KCND3: variants seen among roughly 807,000 people sequenced by gnomAD.
KCND3 encodes the protein A-type voltage-gated potassium channel KCND3.
A neutral mutation model predicts 51.1 loss-of-function variants in KCND3; 9 were observed. That is an observed-to-expected ratio of 0.18 (90% confidence interval 0.11 to 0.31). The LOEUF is 0.31. KCND3 is among the 10% of genes least tolerant of loss of function. KCND3 has a pLI of 1.00. For synonymous variants in KCND3, 349 were observed against 368.0 expected, an observed-to-expected ratio of 0.95 and a Z score of 0.59; for missense variants, 526 against 903.8, an observed-to-expected ratio of 0.58 and a Z score of 5.36.
intron 2 of KCND3, among the ~76,000 whole-genome samples, chr1:111,796,315 A>G (rs1263699805): frequency 2.0e-5 from 3 of 152,184 alleles, no homozygotes; most frequent in East Asian, 3.9e-4. Context: ...TCATAAAGAC[A>G]CATGCATGTG....
chr1:111,783,253 A>G (rs971802480), intron 3 of KCND3, among the ~76,000 whole-genome samples: 1 of 151,972 alleles, frequency 6.6e-6, no homozygotes, highest in African/African-American at 2.4e-5. Context: ...TATCCAGGGA[A>G]AGGCAGTGGA....
chr1:111,920,985 G>A (rs1671450155), intron 2 of KCND3, among the ~76,000 whole-genome samples: 1 of 152,158 alleles, frequency 6.6e-6, no homozygotes, highest in Non-Finnish European at 1.5e-5. Flanking sequence ...CAATGTGCCA[G>A]GCTTTGTGGT....
At chr1:111,900,191 C>T (rs773708452) in intron 2 of KCND3, among the ~76,000 whole-genome samples, 2 of 152,120 alleles carry the variant, frequency 1.3e-5, no homozygotes, top group Non-Finnish European at 2.9e-5. Context: ...AGACCCCTGC[C>T]CGGAGGGAGA....
At chr1:111,955,405 C>A (rs942892925) in intron 2 of KCND3, among the ~76,000 whole-genome samples, 3 of 152,156 alleles carry the variant, frequency 2.0e-5, no homozygotes, top group Non-Finnish European at 4.4e-5. Context: ...CGGAGCAAGA[C>A]CCTGTCTCAA....
chr1:111,881,864 C>T (rs961047805), intron 2 of KCND3, among the ~76,000 whole-genome samples: 12 of 152,182 alleles, frequency 7.9e-5, no homozygotes, highest in African/African-American at 2.7e-4. Flanking sequence ...TTATCCATTC[C>T]CATATGTCCT....
chr1:111,824,882 A>C (rs1666507080), intron 2 of KCND3, among the ~76,000 whole-genome samples: 1 of 151,992 alleles, frequency 6.6e-6, no homozygotes, highest in Non-Finnish European at 1.5e-5. Context: ...GGTTGAGGAG[A>C]TGGATTTGAG....
intron 2 of KCND3, among the ~76,000 whole-genome samples, chr1:111,893,644 G>A (rs1336161439): frequency 6.6e-6 from 1 of 152,186 alleles, no homozygotes; most frequent in Non-Finnish European, 1.5e-5. Flanking sequence ...GGTGCTCCCT[G>A]GGGGCCAGCC....
At chr1:111,976,292 C>T (rs948660209) in intron 2 of KCND3, among the ~76,000 whole-genome samples, 1 of 152,202 alleles carries the variant, frequency 6.6e-6, no homozygotes, top group African/African-American at 2.4e-5. Context: ...GAGTTGGAGG[C>T]AAACTTCCCT....
chr1:111,807,619 T>G (rs1250298494), intron 2 of KCND3, among the ~76,000 whole-genome samples: 1 of 152,246 alleles, frequency 6.6e-6, no homozygotes. Context: ...GACGTTGCAG[T>G]GAGCCTAGAC....
At chr1:111,931,737 A>G (rs1000109842) in intron 2 of KCND3, among the ~76,000 whole-genome samples, 1 of 152,184 alleles carries the variant, frequency 6.6e-6, no homozygotes, top group Non-Finnish European at 1.5e-5. Context: ...TAGCATGATT[A>G]TCATTATTTT....
chr1:111,818,040 GCACACACACACACACACACA>G (rs59035556), intron 2 of KCND3, among the ~76,000 whole-genome samples: 1 of 147,962 alleles, frequency 6.8e-6, no homozygotes, highest in Non-Finnish European at 1.5e-5. Context: ...ACACGCGCGT[GCACACACACACACACACACA>G]CACACACACA....
chr1:111,893,375 A>C (rs1669941159), intron 2 of KCND3, among the ~76,000 whole-genome samples: 1 of 152,022 alleles, frequency 6.6e-6, no homozygotes, highest in Admixed American at 6.5e-5. Flanking sequence ...GGGCAGGGAG[A>C]AGGCCCTCAG....
At chr1:111,798,233 A>G (rs1201438493) in intron 2 of KCND3, among the ~76,000 whole-genome samples, 2 of 151,966 alleles carry the variant, frequency 1.3e-5, no homozygotes, top group Non-Finnish European at 1.5e-5. Flanking sequence ...TCCCATATGC[A>G]CTGGGCTCCT....
chr1:111,860,035 A>G (rs1668262866), intron 2 of KCND3, among the ~76,000 whole-genome samples: 1 of 152,254 alleles, frequency 6.6e-6, no homozygotes, highest in Non-Finnish European at 1.5e-5. Flanking sequence ...TCCTGAGGTC[A>G]TAACTTCATT....
chr1:111,802,308 A>G (rs553622301), intron 2 of KCND3, among the ~76,000 whole-genome samples: 1 of 152,276 alleles, frequency 6.6e-6, no homozygotes, highest in African/African-American at 2.4e-5. Context: ...AAGCTCTGAA[A>G]GCACCGCCTG....
intron 2 of KCND3, among the ~76,000 whole-genome samples, chr1:111,979,444 C>T (rs1446552686): frequency 6.6e-6 from 1 of 152,176 alleles, no homozygotes; most frequent in Non-Finnish European, 1.5e-5. Context: ...GCATATAGTA[C>T]TCATTGGGCT....
At chr1:111,835,704 A>G (rs1350381702) in intron 2 of KCND3, among the ~76,000 whole-genome samples, 1 of 152,240 alleles carries the variant, frequency 6.6e-6, no homozygotes, top group African/African-American at 2.4e-5. Flanking sequence ...GAAGGGTAGG[A>G]ACCCTTAGTT....
At chr1:111,868,238 G>A (rs1571767694) in intron 2 of KCND3, among the ~76,000 whole-genome samples, 1 of 152,308 alleles carries the variant, frequency 6.6e-6, no homozygotes, top group South Asian at 2.1e-4. Context: ...TGCTCATGCT[G>A]TCTGGCTCCA....
At chr1:111,827,859 G>A (rs1236331232) in intron 2 of KCND3, among the ~76,000 whole-genome samples, 1 of 152,168 alleles carries the variant, frequency 6.6e-6, no homozygotes, top group African/African-American at 2.4e-5. Context: ...AAGAAGAAAT[G>A]GGGCTCCAAG....
Sources: allele counts gnomAD v4.1 joint callset (sites outside exome capture counted in the v4.1 genomes callset), GRCh38; gene constraint gnomAD v4.1.1; transcripts MANE v1.5; gene names NCBI Gene and HGNC (gene_info 2026-07-23, HGNC 2026-07-21).